AIG1: variants seen among roughly 807,000 people sequenced by gnomAD.
AIG1 encodes the protein androgen-induced gene 1 protein.
A neutral mutation model predicts 31.4 loss-of-function variants in AIG1; 23 were observed. The observed-to-expected ratio is 0.73, with a 90% CI of 0.53 to 1.04. The LOEUF is 1.04. Ranked by LOEUF, AIG1 falls within the 50% of genes least tolerant of loss-of-function variation. The pLI is 0.00. For missense variants in AIG1, 274 were observed against 295.0 expected (o/e 0.93, Z 0.52); for synonymous variants, 100 against 110.5 (o/e 0.90, Z 0.60).
chr6:143,108,160 T>C (rs1780964455), intron 1 of AIG1, among the ~76,000 whole-genome samples: 1 of 152,218 alleles, frequency 6.6e-6, no homozygotes, highest in Admixed American at 6.5e-5. Context: ...GCAGCACTTT[T>C]CTCTACTGTT....
chr6:143,188,912 GT>G (rs377153291), intron 3 of AIG1: 1 of 984,494 alleles, frequency 1.0e-6, no homozygotes, highest in Non-Finnish European at 1.2e-6. Context: ...AAATTAATGC[GT>G]TTTTTTCTTA....
intron 5 of AIG1, chr6:143,335,207 T>G (rs1777382962): frequency 8.4e-7 from 1 of 1,195,184 alleles, no homozygotes; most frequent in Non-Finnish European, 1.1e-6. Flanking sequence ...GCCTACATCG[T>G]GGAATTTTTG....
chr6:143,233,205 T>C (rs1392142194), intron 3 of AIG1, among the ~76,000 whole-genome samples: 3 of 152,166 alleles, frequency 2.0e-5, no homozygotes, highest in East Asian at 3.8e-4. Context: ...GGCCATCACC[T>C]TGGGGGCACG....
chr6:143,073,053 T>G (rs1777434380), intron 1 of AIG1, among the ~76,000 whole-genome samples: 1 of 152,248 alleles, frequency 6.6e-6, no homozygotes, highest in South Asian at 2.1e-4. Context: ...CTCCCGTGCC[T>G]GGTAACCACT....
intron 2 of AIG1, among the ~76,000 whole-genome samples, chr6:143,159,048 A>T (rs4896621): frequency 0.58 from 88,830 of 152,044 alleles, 27,417 homozygotes; most frequent in African/African-American, 0.79. Context: ...CCAGGTTCTA[A>T]AATAGACAAC....
intron 3 of AIG1, among the ~76,000 whole-genome samples, chr6:143,185,456 G>A (rs982699528): frequency 1.3e-5 from 2 of 152,176 alleles, no homozygotes; most frequent in Non-Finnish European, 2.9e-5. Context: ...CCTGAGCTGA[G>A]TGGTTGCAGA....
chr6:143,234,924 G>A (rs17072335), intron 3 of AIG1, among the ~76,000 whole-genome samples: 2,011 of 152,216 alleles, frequency 0.013, 42 homozygotes, highest in African/African-American at 0.046. Context: ...CAATCAGATT[G>A]TCTTGGAATG....
chr6:143,259,062 T>C (rs1229735957), intron 3 of AIG1, among the ~76,000 whole-genome samples: 1 of 152,192 alleles, frequency 6.6e-6, no homozygotes, highest in Non-Finnish European at 1.5e-5. Context: ...GGGTCTAGAA[T>C]TTGACTTCCT....
rs1222601459 is a variant in AIG1 at position 143,330,655 on chromosome 6, A to G, written c.516-2627A>G. Among the ~76,000 whole-genome samples, 1 of 152,142 alleles carries G rather than the reference A, an allele frequency of 6.6e-6. No homozygotes were observed. Among genetic ancestry groups the G allele is most frequent in the Non-Finnish European group, 1.5e-5 (1 of 68,030 alleles). ...TTGAGCAGAATAGTGGCATGGCCTG[A>G]CTCACATTTAATCCAGATCCATCCG... On this transcript the variant is annotated intron_variant, in intron 4 of 5. Transcript: ENST00000357847. The surrounding 1 kb of genome is among the most constrained non-coding windows in gnomAD (Gnocchi z 4.4).
intron 3 of AIG1, among the ~76,000 whole-genome samples, chr6:143,201,875 T>G (rs1378412268): frequency 2.6e-5 from 4 of 152,218 alleles, no homozygotes; most frequent in Non-Finnish European, 4.4e-5. Flanking sequence ...GCAAGTTAGT[T>G]GTAAACCTGA....
intron 3 of AIG1, among the ~76,000 whole-genome samples, chr6:143,254,987 C>T (rs998784683): frequency 3.3e-5 from 5 of 152,096 alleles, no homozygotes; most frequent in Admixed American, 1.3e-4. Flanking sequence ...GCAGTGAGCC[C>T]ATGATCATTC....
At chr6:143,289,959 C>T (rs774645525) in intron 4 of AIG1, among the ~76,000 whole-genome samples, 1 of 152,188 alleles carries the variant, frequency 6.6e-6, no homozygotes, top group Non-Finnish European at 1.5e-5. Flanking sequence ...CTTTGACCAG[C>T]AGATGACATT....
chr6:143,133,533 TAA>T (rs1036628052), intron 1 of AIG1, among the ~76,000 whole-genome samples: 9 of 151,590 alleles, frequency 5.9e-5, no homozygotes, highest in African/African-American at 2.2e-4. Flanking sequence ...ATTATTCTTG[TAA>T]CTACATTACT....
At chr6:143,124,166 T>C (rs1782468838) in intron 1 of AIG1, among the ~76,000 whole-genome samples, 1 of 152,214 alleles carries the variant, frequency 6.6e-6, no homozygotes, top group Non-Finnish European at 1.5e-5. Flanking sequence ...TTCTGTTCCT[T>C]AGCAGACTGG....
chr6:143,243,554 T>C (rs1794405479), intron 3 of AIG1, among the ~76,000 whole-genome samples: 1 of 152,244 alleles, frequency 6.6e-6, no homozygotes, highest in African/African-American at 2.4e-5. Context: ...GGAATCTTTT[T>C]ACCAGGTGAC....
rs1798143526 is a variant in AIG1, at chr6:143,292,772, G to T, written c.515+8547G>T. ...AAGCATGATGATAGTGATCAGGCAG[G>T]ATTGCCGTGAGCATCAGAAAAATGG... On this transcript the variant is annotated intron_variant, in intron 4 of 5. Transcript: ENST00000357847. This position sits in a 1 kb window ranked among gnomAD's most constrained non-coding sequence, Gnocchi z 4.9. 6.6e-6 allele frequency among the ~76,000 whole-genome samples: 1 copy of T among 152,176 alleles called. No individual in the cohort carries two copies.
chr6:143,134,988 T>C (rs1351030246), intron 1 of AIG1, among the ~76,000 whole-genome samples: 1 of 152,112 alleles, frequency 6.6e-6, no homozygotes, highest in Non-Finnish European at 1.5e-5. Flanking sequence ...TATGAGTTTA[T>C]AGGGACGTAG....
chr6:143,208,760 T>G (rs910261918), intron 3 of AIG1, among the ~76,000 whole-genome samples: 1 of 151,456 alleles, frequency 6.6e-6, no homozygotes, highest in African/African-American at 2.4e-5. Flanking sequence ...TTTTAGATAT[T>G]TTCCCCCCAG....
intron 4 of AIG1, among the ~76,000 whole-genome samples, chr6:143,296,884 G>T (rs1179013700): frequency 1.3e-5 from 2 of 152,206 alleles, no homozygotes; most frequent in Non-Finnish European, 2.9e-5. Flanking sequence ...TATTCTGAAA[G>T]ATCTGGGTAC....
Sources: gnomAD v4.1 joint callset for allele counts (sites outside exome capture counted in the v4.1 genomes callset) on GRCh38, gnomAD v4.1.1 for gene constraint, Gnocchi (gnomAD v3.1) non-coding constraint, MANE v1.5 for transcripts, NCBI Gene and HGNC (gene_info 2026-07-23, HGNC 2026-07-21) for gene names.